Variants in TTC13 observed in about 807,000 individuals in gnomAD.
TTC13 encodes the protein tetratricopeptide repeat protein 13.
In TTC13, 62 loss-of-function variants were observed where a neutral mutation model predicts 120.0. The ratio of observed to expected loss-of-function variants is 0.52; its 90% CI spans 0.42 to 0.64. TTC13 has a LOEUF of 0.64. Among genes scored for constraint, TTC13 ranks in the 30% least tolerant of loss-of-function variants. The pLI is 0.00. For missense variants in TTC13, 824 were observed against 1,050.2 expected, an observed-to-expected ratio of 0.78 and a Z score of 2.98; for synonymous variants, 384 against 393.5, an observed-to-expected ratio of 0.98 and a Z score of 0.28.
intron 13 of TTC13, among the ~76,000 whole-genome samples, chr1:230,925,279 T>C (rs1672957440): frequency 6.6e-6 from 1 of 152,212 alleles, no homozygotes; most frequent in African/African-American, 2.4e-5. Flanking sequence ...TGTCTGATTT[T>C]GAGTAAGGAC....
Position 230,931,607 on chromosome 1 carries a change from T to C in TTC13, c.1125+129A>G, listed in dbSNP as rs186396696. On this transcript the variant is annotated intron_variant, in intron 10 of 22. Coordinates refer to ENST00000366661, the MANE Select transcript of TTC13 (RefSeq NM_024525.5). ...CTAGTCTACAGGACAAGAGCAATGATTTCTTCTCTTTCTTTTTGTTGGAGT... is the reference window on the plus strand; with the variant it reads ...CTAGTCTACAGGACAAGAGCAATGACTTCTTCTCTTTCTTTTTGTTGGAGT... The C allele has an allele frequency of 7.9e-5, 116 of 1,459,214 alleles. No individual in the cohort carries two copies. In the East Asian group the frequency reaches 2.4e-3, roughly 31 times the overall value. 90.4% of individuals were successfully genotyped at this position (1,459,214 alleles called of 1,614,324 possible). A position where few individuals can be genotyped will look rare whatever the true frequency, so the allele number is the denominator to read the frequency against.
At chr1:230,937,183 TG>T (rs1674144151) in intron 8 of TTC13, among the ~76,000 whole-genome samples, 1 of 152,246 alleles carries the variant, frequency 6.6e-6, no homozygotes, top group East Asian at 1.9e-4. Context: ...TCAGTTCTTG[TG>T]CAATTTGTAG....
intron 2 of TTC13, 128 bp from the exon 3 acceptor site, chr1:230,958,427 C>T: frequency 9.3e-7 from 1 of 1,080,818 alleles, no homozygotes; most frequent in Admixed American, 2.9e-5. Context: ...CAAGAAAATG[C>T]CACTATTGTG....
intron 19 of TTC13, among the ~76,000 whole-genome samples, chr1:230,912,258 T>C (rs1671584331): frequency 6.6e-6 from 1 of 152,166 alleles, no homozygotes; most frequent in Non-Finnish European, 1.5e-5. Context: ...CATCATCCAG[T>C]TTACATTCAA....
At chr1:230,928,139 C>T (rs1673200277) in intron 12 of TTC13, among the ~76,000 whole-genome samples, 1 of 152,104 alleles carries the variant, frequency 6.6e-6, no homozygotes, top group Admixed American at 6.5e-5. Flanking sequence ...CTTTGTTCTT[C>T]AATACATTTG....
At chr1:230,936,062 G>A (rs1421081301) in intron 8 of TTC13, 1 of 407,312 alleles carries the variant, frequency 2.5e-6, no homozygotes, top group Non-Finnish European at 4.9e-6. Context: ...ATGGGGTGGG[G>A]CAGGAGGGAA....
intron 15 of TTC13, 69 bp downstream of exon 15, chr1:230,923,772 G>A: frequency 7.5e-7 from 1 of 1,332,396 alleles, no homozygotes; most frequent in Non-Finnish European, 1.1e-6. Flanking sequence ...GGTCACTCCT[G>A]GTCTCCATGG....
intron 12 of TTC13, among the ~76,000 whole-genome samples, chr1:230,926,592 C>G (rs1281234986): frequency 6.6e-6 from 1 of 152,066 alleles, no homozygotes; most frequent in African/African-American, 2.4e-5. Flanking sequence ...ATCCAAGTTC[C>G]CAGATACCAA....
At chr1:230,911,646 G>A (rs2153049) in intron 19 of TTC13, 97 bp from the exon 20 acceptor site, 459,570 of 680,228 alleles carry the variant, frequency 0.68, 156,895 homozygotes, top group Admixed American at 0.72. Flanking sequence ...ACATCAAGAA[G>A]AGGATTGTTT....
At chr1:230,967,342 G>T (rs1162831759) in intron 1 of TTC13, among the ~76,000 whole-genome samples, 1 of 151,896 alleles carries the variant, frequency 6.6e-6, no homozygotes, top group Non-Finnish European at 1.5e-5. Flanking sequence ...AAGCTGCTCT[G>T]TGTCAGCTAT....
chr1:230,934,011 A>G, intron 8 of TTC13, 150 bp from the exon 9 acceptor site: 1 of 496,644 alleles, frequency 2.0e-6, no homozygotes, highest in Non-Finnish European at 3.5e-6. Context: ...AAAATGCAAT[A>G]AACTATAAGT....
intron 5 of TTC13, among the ~76,000 whole-genome samples, chr1:230,945,141 CT>C (rs1300593504): frequency 6.6e-6 from 1 of 152,164 alleles, no homozygotes; most frequent in Non-Finnish European, 1.5e-5. Context: ...TTGAATATCT[CT>C]TAGGAAAGCA....
Position 230,958,282 on chromosome 1 carries a change from A to G in TTC13, c.384T>C (p.Ile128=). ...CAAACGGGAATCTCTTCTGTTCTGC[A>G]ATAGACTTGGCCTGGCTCTGGGAAA... ...TEKILSQAKS[I]AEQKRFPFAT... The change falls in exon 3 of 23, where the codon ATT becomes ATC. Residue 128 remains isoleucine (I), a synonymous_variant. Transcript: ENST00000366661. 6.2e-7 allele frequency: 1 copy of G among 1,610,958 alleles called. No individual in the cohort carries two copies. The highest frequency in any genetic ancestry group is 1.3e-5 in the African/African-American group (1 of 74,396).
At chr1:230,949,947 C>G (rs1484877563) in intron 4 of TTC13, among the ~76,000 whole-genome samples, 1 of 152,192 alleles carries the variant, frequency 6.6e-6, no homozygotes, top group African/African-American at 2.4e-5. Context: ...CCACGCCCGG[C>G]CCAATTTATT....
At chr1:230,908,082 A>G (rs527910642) in intron 22 of TTC13, among the ~76,000 whole-genome samples, 2 of 152,258 alleles carry the variant, frequency 1.3e-5, no homozygotes, top group Admixed American at 1.3e-4. Flanking sequence ...AAGTTCAAAC[A>G]CTCCTGAATA....
chr1:230,947,545 A>C (rs1675114162), intron 4 of TTC13, among the ~76,000 whole-genome samples: 1 of 152,002 alleles, frequency 6.6e-6, no homozygotes, highest in Non-Finnish European at 1.5e-5. Context: ...CGTAACACTA[A>C]TGATAACTAA....
chr1:230,923,881 T>G lies in TTC13; in HGVS notation c.1774A>C (p.Ser592Arg). ...TGGTTGTTAAAACCTCTGCTAAGAC[T>G]TCGTGCTGGCATTTGATCTAACCAC... ...VLWLDQMPAR[S>R]LSRGFNNHIN... The change falls in exon 15 of 23, where the codon AGT (serine) becomes CGT (arginine). Residue 592 changes from serine to arginine, a missense_variant. Transcript: ENST00000366661. The G allele has an allele frequency of 1.2e-6, 2 of 1,614,060 alleles. No individual in the cohort carries two copies. The highest frequency in any genetic ancestry group is 2.2e-5 in the East Asian group (1 of 44,872).
At chr1:230,931,993 C>A in intron 9 of TTC13, 116 bp from the exon 10 acceptor site, 1 of 986,234 alleles carries the variant, frequency 1.0e-6, no homozygotes, top group Admixed American at 2.5e-5. Context: ...TGGGAGTGTT[C>A]CCTTTGTTGC....
intron 13 of TTC13, 46 bp downstream of exon 13, chr1:230,925,471 C>G: frequency 6.2e-7 from 1 of 1,608,398 alleles, no homozygotes. Context: ...ACCACCCTTC[C>G]TCTTATGCCA....
Sources: allele counts gnomAD v4.1 joint callset (sites outside exome capture counted in the v4.1 genomes callset), GRCh38; gene constraint gnomAD v4.1.1; transcripts MANE v1.5; gene names NCBI Gene and HGNC (gene_info 2026-07-23, HGNC 2026-07-21).